Variants in FNDC3A observed in about 807,000 individuals in gnomAD.
FNDC3A encodes the protein fibronectin type-III domain-containing protein 3A.
FNDC3A carries 32 observed loss-of-function variants against 148.9 expected under a neutral mutation model. The ratio of observed to expected loss-of-function variants is 0.21; its 90% CI spans 0.16 to 0.29. The LOEUF (loss-of-function observed/expected upper bound fraction) is 0.29, where lower values mean the gene tolerates loss of function less well. FNDC3A is among the 10% of genes least tolerant of loss of function. The pLI is 1.00. For missense variants in FNDC3A, 1,191 were observed against 1,452.8 expected, an observed-to-expected ratio of 0.82 and a Z score of 2.93; for synonymous variants, 472 against 473.6, an observed-to-expected ratio of 1.00 and a Z score of 0.04.
At chr13:49,087,102 C>T (rs889370357) in intron 3 of FNDC3A, among the ~76,000 whole-genome samples, 4 of 152,072 alleles carry the variant, frequency 2.6e-5, no homozygotes, top group Admixed American at 6.6e-5. Context: ...ATTCAGTTGT[C>T]ATCAATTCTT....
chr13:49,018,917 G>T (rs1460449277), intron 2 of FNDC3A, among the ~76,000 whole-genome samples: 2 of 152,212 alleles, frequency 1.3e-5, no homozygotes, highest in African/African-American at 4.8e-5. Flanking sequence ...CTGCTTGGGG[G>T]GTCAGGGGTC....
At chr13:49,059,066 T>C (rs1876464675) in intron 2 of FNDC3A, among the ~76,000 whole-genome samples, 1 of 152,128 alleles carries the variant, frequency 6.6e-6, no homozygotes, top group African/African-American at 2.4e-5. Flanking sequence ...ACTCACAAAA[T>C]GTTAGATACA....
chr13:49,172,082 T>A lies in FNDC3A; in HGVS notation c.1216T>A (p.Leu406Ile), dbSNP rs1245727126. The A allele has an allele frequency of 6.2e-7, 1 of 1,603,680 alleles. No homozygotes were observed. The highest frequency in any genetic ancestry group is 1.7e-5 in the Admixed American group (1 of 59,312). ...DNGSKIQNFV[L>I]EWDEGKGNGE... is the part of the protein sequence containing the mutation. ...TGGTTCTAAAATCCAAAACTTTGTA[T>A]TAGAATGGGATGAAGTAAGTAAATT... The change falls in exon 11 of 26, where the codon TTA becomes ATA. Residue 406 changes from leucine (L) to isoleucine (I), a missense_variant. Physicochemically the swap from Leu to Ile is conservative, Grantham distance 5 (BLOSUM62 2). Coordinates refer to ENST00000492622, the MANE Select transcript of FNDC3A (RefSeq NM_001079673.2).
chr13:49,203,403 ATAT>A lies in FNDC3A; in HGVS notation c.3282+123_3282+125del. 4.4e-6 allele frequency: 3 copies of A among 674,918 alleles called. No homozygotes were observed. In the South Asian group the frequency reaches 6.3e-5, roughly 14 times the overall value. 41.8% of individuals were successfully genotyped at this position (674,918 alleles called of 1,614,324 possible). On this transcript the variant is annotated intron_variant, in intron 25 of 25. Transcript: ENST00000492622. ...TAATTCATAAATATTTATTCAGTATATATTATGTTCCAGAGATCTCAAGATTCC... is the reference window on the plus strand; with the variant it reads ...TAATTCATAAATATTTATTCAGTATATATGTTCCAGAGATCTCAAGATTCC...
chr13:49,026,104 T>C (rs1028570344), intron 2 of FNDC3A, among the ~76,000 whole-genome samples: 2 of 152,190 alleles, frequency 1.3e-5, no homozygotes, highest in Non-Finnish European at 2.9e-5. Flanking sequence ...TTTTATTGTG[T>C]GAATCTATAC....
chr13:49,152,886 T>C (rs1178587914), intron 8 of FNDC3A, among the ~76,000 whole-genome samples: 1 of 150,808 alleles, frequency 6.6e-6, no homozygotes, highest in African/African-American at 2.4e-5. Context: ...CCATGGTGTA[T>C]ATGTGCCACA....
intron 2 of FNDC3A, among the ~76,000 whole-genome samples, chr13:49,065,172 T>C (rs1420008580): frequency 1.3e-5 from 2 of 152,020 alleles, no homozygotes; most frequent in Non-Finnish European, 2.9e-5. Context: ...ACGTATAGAG[T>C]CAACTAGAGC....
chr13:48,992,115 C>G (rs1022579818), intron 1 of FNDC3A, among the ~76,000 whole-genome samples: 8 of 152,148 alleles, frequency 5.3e-5, no homozygotes, highest in African/African-American at 1.9e-4. Flanking sequence ...TGGGGATTGT[C>G]TGTATACAAA....
At chr13:49,143,997 T>C (rs1370338517) in intron 7 of FNDC3A, among the ~76,000 whole-genome samples, 1 of 149,662 alleles carries the variant, frequency 6.7e-6, no homozygotes, top group Non-Finnish European at 1.5e-5. Flanking sequence ...CTACTACTAC[T>C]ACTACTACTA....
chr13:49,179,360 A>G (rs114189261), intron 14 of FNDC3A, among the ~76,000 whole-genome samples: 1,901 of 152,250 alleles, frequency 0.012, 27 homozygotes, highest in African/African-American at 0.034. Context: ...TAAAGCCTGT[A>G]TCTACCATAT....
chr13:49,113,285 T>C (rs886910663), intron 3 of FNDC3A, among the ~76,000 whole-genome samples: 1 of 136,588 alleles, frequency 7.3e-6, no homozygotes, highest in Admixed American at 7.7e-5. Flanking sequence ...CTTTCCCCAC[T>C]TTCCTTACCC....
At chr13:49,041,813 C>G (rs1354512987) in intron 2 of FNDC3A, among the ~76,000 whole-genome samples, 3 of 64,322 alleles carry the variant, frequency 4.7e-5, no homozygotes, top group Non-Finnish European at 1.0e-4. Context: ...GACTCTGTCT[C>G]AAAAAAAAAA....
At chr13:49,039,157 G>T (rs1874729942) in intron 2 of FNDC3A, among the ~76,000 whole-genome samples, 1 of 151,874 alleles carries the variant, frequency 6.6e-6, no homozygotes, top group Non-Finnish European at 1.5e-5. Context: ...TTGAAGTAGG[G>T]GACCAAGGAA....
intron 8 of FNDC3A, among the ~76,000 whole-genome samples, chr13:49,159,427 A>G (rs890635709): frequency 6.6e-6 from 1 of 152,042 alleles, no homozygotes; most frequent in African/African-American, 2.4e-5. Context: ...TTTGTCTGTT[A>G]TTGGTGTATA....
chr13:49,073,037 A>T (rs1171695544), intron 2 of FNDC3A, among the ~76,000 whole-genome samples: 1 of 152,196 alleles, frequency 6.6e-6, no homozygotes, highest in South Asian at 2.1e-4. Context: ...GCGCATATCC[A>T]TACAAACTAG....
At chr13:49,203,905 C>T (rs950033423) in intron 25 of FNDC3A, among the ~76,000 whole-genome samples, 2 of 152,086 alleles carry the variant, frequency 1.3e-5, no homozygotes, top group African/African-American at 2.4e-5. Context: ...TATGGAGTGA[C>T]GTAAGGCATA....
At chr13:49,155,187 A>G (rs959077527) in intron 8 of FNDC3A, among the ~76,000 whole-genome samples, 3 of 151,936 alleles carry the variant, frequency 2.0e-5, no homozygotes, top group African/African-American at 7.3e-5. Flanking sequence ...TTATCGCCAC[A>G]ATTTCAGCTC....
At chr13:49,109,553 A>G (rs112925523) in intron 3 of FNDC3A, among the ~76,000 whole-genome samples, 1,669 of 152,298 alleles carry the variant, frequency 0.011, 35 homozygotes, top group African/African-American at 0.037. Context: ...AAGATCTCCA[A>G]AAGTTCTTAT....
chr13:49,031,128 T>G (rs555741707), intron 2 of FNDC3A, among the ~76,000 whole-genome samples: 213 of 152,332 alleles, frequency 1.4e-3, no homozygotes, highest in African/African-American at 5.0e-3. Context: ...GGCTCATGCC[T>G]GTAATCTTAG....
Sources: gnomAD v4.1 joint callset for allele counts (sites outside exome capture counted in the v4.1 genomes callset) on GRCh38, gnomAD v4.1.1 for gene constraint, MANE v1.5 for transcripts, NCBI Gene and HGNC (gene_info 2026-07-23, HGNC 2026-07-21) for gene names.